SLAMF9: variants seen among roughly 807,000 people sequenced by gnomAD.
The protein encoded by SLAMF9 is SLAM family member 9.
SLAMF9 carries 25 observed loss-of-function variants against 30.4 expected under a neutral mutation model. The observed-to-expected ratio is 0.82, with a 90% CI of 0.60 to 1.15. SLAMF9 has a LOEUF of 1.15. Among genes scored for constraint, SLAMF9 ranks in the 50% most tolerant of loss-of-function variants. SLAMF9 has a pLI of 0.00. For missense variants in SLAMF9, 344 were observed against 346.1 expected, an observed-to-expected ratio of 0.99 and a Z score of 0.05; for synonymous variants, 129 against 127.2, an observed-to-expected ratio of 1.01 and a Z score of -0.09.
rs1254283540 is a variant in SLAMF9, at chr1:159,953,660, A to G, written c.47-7T>C. The stretch of plus-strand genomic sequence containing the variant: ...CAGAGTCTCCTTTGGCTGCCTATGC[A>G]GGAAGAAAAGAGAAGCAAACAACCC... On this transcript the variant is annotated splice_polypyrimidine_tract_variant and splice_region_variant and intron_variant, in intron 1 of 3. Coordinates refer to ENST00000368093, the MANE Select transcript of SLAMF9 (RefSeq NM_033438.4). The G allele has an allele frequency of 6.3e-7, 1 of 1,584,034 alleles. No homozygotes were observed. The highest frequency in any genetic ancestry group is 1.7e-5 in the Admixed American group (1 of 58,260).
chr1:159,960,256 A>G, the SLAMF9 span, among the ~76,000 whole-genome samples: 1 of 145,820 alleles, frequency 6.9e-6, no homozygotes, highest in African/African-American at 2.5e-5. Context: ...ATGAGTGAGA[A>G]CAGGCGGTGT....
At chr1:159,977,279 C>T in the SLAMF9 span, among the ~76,000 whole-genome samples, 2 of 152,166 alleles carry the variant, frequency 1.3e-5, no homozygotes, top group Admixed American at 6.5e-5. Context: ...TTTCCCTAGT[C>T]CTGCATTTTT....
chr1:159,953,464 T>C lies in SLAMF9; in HGVS notation c.236A>G (p.Asn79Ser), dbSNP rs746415850. 6.2e-7 allele frequency: 1 copy of C among 1,614,184 alleles called. No individual in the cohort carries two copies. The highest frequency in any genetic ancestry group is 8.5e-7 in the Non-Finnish European group (1 of 1,180,024). ...GCTCACTTGGCCCTGGTAGTGTGGA[T>C]TGGTCACCATGATGGTAGCTGGATG... is the stretch of plus-strand genomic sequence containing the variant. ...EGHPATIMVT[N>S]PHYQGQVSFL... The change falls in exon 2 of 4, where the codon AAT becomes AGT. Residue 79 changes from asparagine (N) to serine (S), a missense_variant. Physicochemically the swap from Asn to Ser is conservative, Grantham distance 46 (BLOSUM62 1). Coordinates refer to ENST00000368093, the MANE Select transcript of SLAMF9 (RefSeq NM_033438.4).
chr1:159,964,663 G>A, the SLAMF9 span, among the ~76,000 whole-genome samples: 2 of 152,270 alleles, frequency 1.3e-5, no homozygotes, highest in Non-Finnish European at 2.9e-5. Context: ...CTCCCTCAAG[G>A]TCACAGTTTA....
the SLAMF9 span, among the ~76,000 whole-genome samples, chr1:159,964,024 C>T: frequency 5.3e-5 from 8 of 152,194 alleles, no homozygotes; most frequent in African/African-American, 1.9e-4. Flanking sequence ...CACGCCACTA[C>T]ACTCCAGCCT....
chr1:159,979,648 C>T, the SLAMF9 span, among the ~76,000 whole-genome samples: 1 of 149,552 alleles, frequency 6.7e-6, no homozygotes, highest in African/African-American at 2.5e-5. Flanking sequence ...GAGAAAATAA[C>T]GTAAGGCAAT....
chr1:159,983,875 G>A, the SLAMF9 span: 2 of 152,238 alleles, frequency 1.3e-5, no homozygotes, highest in African/African-American at 2.4e-5. Flanking sequence ...AGAGACCCAC[G>A]TCACTCCCAG....
At chr1:159,955,919 A>T (rs553712583), upstream of SLAMF9, among the ~76,000 whole-genome samples, 2 of 152,382 alleles carry the variant, frequency 1.3e-5, no homozygotes, top group African/African-American at 4.8e-5. Context: ...AAGGTGAACC[A>T]GATTTCAGTC....
At chr1:159,971,799 T>C in the SLAMF9 span, among the ~76,000 whole-genome samples, 1 of 152,054 alleles carries the variant, frequency 6.6e-6, no homozygotes, top group Admixed American at 6.5e-5. Flanking sequence ...GGGTCACAGT[T>C]GACACCCAGG....
Position 159,952,500 on chromosome 1 carries a change from A to G in SLAMF9, c.426T>C (p.Phe142=). The G allele has an allele frequency of 6.2e-7, 1 of 1,613,314 alleles. No individual in the cohort carries two copies. ...TGCAGGCACCTTCCCCAGAACTCTC[A>G]AAGTTCACAGTGATCTGGGGCTCTG... is the stretch of plus-strand genomic sequence containing the variant. ...WLSEPQITVN[F]ESSGEGACSM... is the part of the protein sequence containing the mutation. Residue 142 remains phenylalanine, a synonymous_variant, in exon 3 of 4, where the codon TTT becomes TTC. Coordinates refer to ENST00000368093, the MANE Select transcript of SLAMF9 (RefSeq NM_033438.4).
chr1:159,976,934 AAG>A, the SLAMF9 span: 1 of 1,700 alleles, frequency 5.9e-4, no homozygotes, highest in Non-Finnish European at 1.5e-3. Flanking sequence ...GAAAGAAAGA[AAG>A]AAAGAAAGAA....
chr1:159,969,402 C>A, the SLAMF9 span, among the ~76,000 whole-genome samples: 1 of 152,154 alleles, frequency 6.6e-6, no homozygotes. Context: ...AAAATCCATG[C>A]AACCTTTCCT....
chr1:159,952,011 T>G, intron 3 of SLAMF9, 145 bp from the exon 4 acceptor site: 3 of 741,892 alleles, frequency 4.0e-6, no homozygotes, highest in Non-Finnish European at 6.6e-6. Context: ...AAATATATTC[T>G]ATGCACAGAA....
chr1:159,977,828 A>T, the SLAMF9 span, among the ~76,000 whole-genome samples: 1 of 152,184 alleles, frequency 6.6e-6, no homozygotes, highest in Non-Finnish European at 1.5e-5. Flanking sequence ...AGGTGGTCAG[A>T]ATGGGACATG....
the SLAMF9 span, among the ~76,000 whole-genome samples, chr1:159,968,769 G>T: frequency 6.6e-6 from 1 of 152,302 alleles, no homozygotes; most frequent in African/African-American, 2.4e-5. Flanking sequence ...AGTAGGGAAG[G>T]CCCAGGCACG....
At chr1:159,966,687 G>A in the SLAMF9 span, among the ~76,000 whole-genome samples, 1 of 152,042 alleles carries the variant, frequency 6.6e-6, no homozygotes, top group Non-Finnish European at 1.5e-5. Context: ...CCTCATTGTG[G>A]TTTTAATTTG....
upstream of SLAMF9, among the ~76,000 whole-genome samples, chr1:159,954,750 T>G (rs1289154282): frequency 2.6e-5 from 4 of 152,196 alleles, no homozygotes; most frequent in African/African-American, 9.7e-5. Flanking sequence ...GAGAGGCTAT[T>G]CGCAGGGGAA....
At chr1:159,952,208 GCCTCTAGGCA>G in intron 3 of SLAMF9, 44 bp downstream of exon 3, 1 of 1,591,198 alleles carries the variant, frequency 6.3e-7, no homozygotes, top group Non-Finnish European at 8.6e-7. Context: ...GGGAGATGGT[GCCTCTAGGCA>G]CTATCTTTCA....
chr1:159,966,490 T>C, the SLAMF9 span, among the ~76,000 whole-genome samples: 2 of 152,238 alleles, frequency 1.3e-5, no homozygotes, highest in African/African-American at 4.8e-5. Flanking sequence ...AGAAGTGGGA[T>C]AGTTGGATCA....
Sources: allele counts gnomAD v4.1 joint callset (sites outside exome capture counted in the v4.1 genomes callset), GRCh38; gene constraint gnomAD v4.1.1; transcripts MANE v1.5; gene names NCBI Gene and HGNC (gene_info 2026-07-23, HGNC 2026-07-21).